ANGPT1: variants seen among roughly 807,000 people sequenced by gnomAD.
ANGPT1 encodes angiopoietin 1.
Under a neutral mutation model 62.2 loss-of-function variants are expected in ANGPT1, and 17 were observed. That is an observed-to-expected ratio of 0.27 (90% CI 0.19 to 0.41). The LOEUF (loss-of-function observed/expected upper bound fraction) is 0.41. ANGPT1 is among the 10% of genes least tolerant of loss of function. The pLI, the probability that ANGPT1 is intolerant of heterozygous loss-of-function variation, is 1.00. For missense variants in ANGPT1, 478 were observed against 594.9 expected (o/e 0.80, Z 2.04); for synonymous variants, 199 against 198.9 (o/e 1.00, Z 0.00).
chr8:107,453,554 C>T (rs963728052), intron 1 of ANGPT1, among the ~76,000 whole-genome samples: 3 of 152,002 alleles, frequency 2.0e-5, no homozygotes, highest in Non-Finnish European at 4.4e-5. Context: ...CATGGGAAAG[C>T]CCTGCCCCCA....
At chr8:107,447,376 C>T (rs1367447191) in intron 1 of ANGPT1, among the ~76,000 whole-genome samples, 2 of 152,166 alleles carry the variant, frequency 1.3e-5, no homozygotes, top group African/African-American at 2.4e-5. Context: ...GCACTCATGC[C>T]TTCTGCCATG....
At chr8:107,277,297 G>A (rs1813889779) in intron 7 of ANGPT1, among the ~76,000 whole-genome samples, 1 of 152,000 alleles carries the variant, frequency 6.6e-6, no homozygotes, top group South Asian at 2.1e-4. Flanking sequence ...ACTTTATAAT[G>A]GAATATGTTC....
intron 1 of ANGPT1, among the ~76,000 whole-genome samples, chr8:107,348,025 T>A (rs1815850637): frequency 6.6e-6 from 1 of 152,120 alleles, no homozygotes; most frequent in African/African-American, 2.4e-5. Flanking sequence ...TGCATTTAAT[T>A]CCTCCACCAC....
At chr8:107,394,155 T>C (rs1009184896) in intron 1 of ANGPT1, among the ~76,000 whole-genome samples, 4 of 152,146 alleles carry the variant, frequency 2.6e-5, no homozygotes, top group Admixed American at 2.0e-4. Context: ...GGAGAGCTGA[T>C]CCTCAGGAGA....
intron 1 of ANGPT1, among the ~76,000 whole-genome samples, chr8:107,400,277 G>T (rs557012775): frequency 6.6e-6 from 1 of 152,268 alleles, no homozygotes; most frequent in African/African-American, 2.4e-5. Flanking sequence ...CAAAGTGGAT[G>T]AATTCAATAG....
At chr8:107,386,766 A>G (rs183542486) in intron 1 of ANGPT1, among the ~76,000 whole-genome samples, 70 of 152,220 alleles carry the variant, frequency 4.6e-4, no homozygotes, top group Non-Finnish European at 7.8e-4. Context: ...AGTCTTAGCA[A>G]ATGTTAGCTA....
chr8:107,477,290 T>G (rs1261095485), intron 1 of ANGPT1, among the ~76,000 whole-genome samples: 2 of 152,200 alleles, frequency 1.3e-5, no homozygotes, highest in Non-Finnish European at 2.9e-5. Context: ...TTAGGGAATT[T>G]GTTGGGTCAC....
At chr8:107,349,122 T>TTAGATATA (rs1815874746) in intron 1 of ANGPT1, among the ~76,000 whole-genome samples, 1 of 143,802 alleles carries the variant, frequency 7.0e-6, no homozygotes, top group South Asian at 2.3e-4. Flanking sequence ...GATAAGGAGA[T>TTAGATATA]TAGATAGATA....
chr8:107,335,875 G>A (rs944433866), intron 3 of ANGPT1, among the ~76,000 whole-genome samples: 1 of 139,410 alleles, frequency 7.2e-6, no homozygotes, highest in Admixed American at 7.3e-5. Context: ...AATTTTTGTA[G>A]ATATGGTGAG....
chr8:107,284,872 G>T, intron 6 of ANGPT1, 24 bp from the exon 7 acceptor site: 1 of 1,504,816 alleles, frequency 6.6e-7, no homozygotes, highest in Non-Finnish European at 9.0e-7. Context: ...TAGAGATGCA[G>T]TTGTTACTTT....
intron 1 of ANGPT1, among the ~76,000 whole-genome samples, chr8:107,427,810 T>C (rs1811078537): frequency 6.6e-6 from 1 of 152,150 alleles, no homozygotes; most frequent in African/African-American, 2.4e-5. Context: ...CTTCTCTCAA[T>C]AGGAGGAGGA....
At chr8:107,434,721 T>G (rs1433187) in intron 1 of ANGPT1, among the ~76,000 whole-genome samples, 60,884 of 152,040 alleles carry the variant, frequency 0.4, 12,504 homozygotes, top group Middle Eastern at 0.5. Context: ...GAAAAGACTG[T>G]CTCATGGCTT....
chr8:107,435,676 T>C (rs1811314980), intron 1 of ANGPT1, among the ~76,000 whole-genome samples: 1 of 152,180 alleles, frequency 6.6e-6, no homozygotes, highest in African/African-American at 2.4e-5. Context: ...AAGCTCAAGA[T>C]TGTTTCTCAT....
At chr8:107,282,680 G>A (rs1202249264) in intron 7 of ANGPT1, among the ~76,000 whole-genome samples, 1 of 147,212 alleles carries the variant, frequency 6.8e-6, no homozygotes, top group Non-Finnish European at 1.5e-5. Flanking sequence ...TGATTCTCAA[G>A]GTTCACAGTT....
Position 107,251,851 on chromosome 8 carries a change from G to A in ANGPT1, c.*4C>T, listed in dbSNP as rs115835633. 4.2e-4 allele frequency: 672 copies of A among 1,613,546 alleles called. 1 individual carries two copies. The African/African-American group carries it at 6.8e-3, about 16-fold the overall frequency. ...CTTTCATAATCGCTTCTGACATTGC[G>A]CTTTCAAAAATCTAAAGGTCGAATC... On this transcript the variant is annotated 3_prime_UTR_variant, in exon 9 of 9. Transcript: ENST00000517746.
intron 1 of ANGPT1, among the ~76,000 whole-genome samples, chr8:107,464,729 G>T (rs189799012): frequency 3.9e-5 from 6 of 152,168 alleles, no homozygotes; most frequent in Non-Finnish European, 5.9e-5. Context: ...TTATTGTAAG[G>T]ATCAACTGAG....
At chr8:107,392,997 T>A (rs182937259) in intron 1 of ANGPT1, among the ~76,000 whole-genome samples, 34 of 152,140 alleles carry the variant, frequency 2.2e-4, no homozygotes, top group Admixed American at 5.2e-4. Context: ...GGCAGCAGAT[T>A]CCATCTTTTT....
intron 1 of ANGPT1, among the ~76,000 whole-genome samples, chr8:107,450,445 C>A (rs1811739543): frequency 6.6e-6 from 1 of 151,920 alleles, no homozygotes; most frequent in African/African-American, 2.4e-5. Context: ...CCATTAAAAG[C>A]TCTATGGGCG....
At chr8:107,449,515 A>G (rs996199475) in intron 1 of ANGPT1, among the ~76,000 whole-genome samples, 1 of 151,962 alleles carries the variant, frequency 6.6e-6, no homozygotes, top group Non-Finnish European at 1.5e-5. Flanking sequence ...GGGCTCAAAC[A>G]TGATGGAACA....
Sources: allele counts gnomAD v4.1 joint callset (sites outside exome capture counted in the v4.1 genomes callset), GRCh38; gene constraint gnomAD v4.1.1; transcripts MANE v1.5; gene names NCBI Gene and HGNC (gene_info 2026-07-23, HGNC 2026-07-21).